The following DST variants were observed in gnomAD, a reference collection of about 807,000 sequenced individuals.
The protein encoded by DST is dystonin.
DST carries 253 observed loss-of-function variants against 875.2 expected under a neutral mutation model. That is an observed-to-expected ratio of 0.29 (90% CI 0.26 to 0.32). The LOEUF (loss-of-function observed/expected upper bound fraction) is 0.32, where lower values mean the gene tolerates loss of function less well. Ranked by LOEUF, DST falls within the 10% of genes least tolerant of loss-of-function variation. DST has a pLI of 1.00. For missense variants in DST, 8,287 were observed against 9,111.6 expected (o/e 0.91, Z 3.68); for synonymous variants, 3,124 against 3,197.1 (o/e 0.98, Z 0.77).
At chr6:56,921,407 A>G (rs937284925) in intron 2 of DST, among the ~76,000 whole-genome samples, 3 of 152,214 alleles carry the variant, frequency 2.0e-5, no homozygotes, top group Admixed American at 2.0e-4. Flanking sequence ...TTGCTAGTAA[A>G]TTTTATTTTT....
chr6:56,591,790 T>G (rs895227752), intron 49 of DST, among the ~76,000 whole-genome samples: 2 of 151,900 alleles, frequency 1.3e-5, no homozygotes, highest in African/African-American at 4.8e-5. Flanking sequence ...CCAGCCAACA[T>G]GGCGAAACCC....
intron 2 of DST, among the ~76,000 whole-genome samples, chr6:56,922,783 C>A (rs1470247187): frequency 6.6e-6 from 1 of 152,102 alleles, no homozygotes; most frequent in Non-Finnish European, 1.5e-5. Flanking sequence ...GGAATTTCTA[C>A]TACCTTTTGT....
chr6:56,522,282 C>T (rs1278675607), intron 69 of DST, among the ~76,000 whole-genome samples: 1 of 152,128 alleles, frequency 6.6e-6, no homozygotes, highest in African/African-American at 2.4e-5. Flanking sequence ...AGTTAACTAA[C>T]TTACCAAAGA....
chr6:56,704,225 C>G (rs2099323450), intron 6 of DST, 55 bp downstream of exon 6: 3 of 876,380 alleles, frequency 3.4e-6, no homozygotes, highest in Non-Finnish European at 5.3e-6. Flanking sequence ...CATACTGGTC[C>G]TATGCAGAAA....
intron 4 of DST, among the ~76,000 whole-genome samples, chr6:56,787,628 TAC>T (rs2099707716): frequency 6.6e-6 from 1 of 152,150 alleles, no homozygotes; most frequent in South Asian, 2.1e-4. Flanking sequence ...TATCAAAACT[TAC>T]AGAGAAACAC....
chr6:56,566,109 CA>C (rs1357487889), intron 55 of DST, among the ~76,000 whole-genome samples: 1 of 152,186 alleles, frequency 6.6e-6, no homozygotes, highest in East Asian at 1.9e-4. Context: ...AATTTCAAGC[CA>C]GTGGATCCTA....
intron 4 of DST, among the ~76,000 whole-genome samples, chr6:56,799,356 CTT>C (rs59690012): frequency 9.1e-5 from 13 of 143,462 alleles, no homozygotes; most frequent in Non-Finnish European, 9.2e-5. Flanking sequence ...AACTATCTCT[CTT>C]TTTTTTTTTT....
intron 3 of DST, among the ~76,000 whole-genome samples, chr6:56,897,805 G>A (rs765366672): frequency 7.9e-5 from 12 of 152,124 alleles, no homozygotes; most frequent in Admixed American, 2.0e-4. Context: ...CTGAGAGCAC[G>A]AGCTAAGAGA....
intron 5 of DST, among the ~76,000 whole-genome samples, chr6:56,720,458 T>A (rs923649913): frequency 6.6e-6 from 1 of 151,704 alleles, no homozygotes; most frequent in Non-Finnish European, 1.5e-5. Context: ...CAGATAAACA[T>A]GTGAACAAAG....
chr6:56,856,338 G>A (rs1767848404), intron 3 of DST, among the ~76,000 whole-genome samples: 1 of 152,150 alleles, frequency 6.6e-6, no homozygotes, highest in Non-Finnish European at 1.5e-5. Context: ...TACAGGCAAC[G>A]GAGAAAAGTG....
At chr6:56,836,270 T>C (rs1267059234) in intron 4 of DST, among the ~76,000 whole-genome samples, 1 of 152,194 alleles carries the variant, frequency 6.6e-6, no homozygotes, top group Non-Finnish European at 1.5e-5. Context: ...AGGCCAAATA[T>C]ACATTTGATG....
chr6:56,675,789 T>C (rs2099125930), intron 9 of DST, among the ~76,000 whole-genome samples: 1 of 151,852 alleles, frequency 6.6e-6, no homozygotes, highest in South Asian at 2.1e-4. Flanking sequence ...GAGGCGGAGG[T>C]TGCAGTGAGC....
intron 22 of DST, among the ~76,000 whole-genome samples, chr6:56,638,081 T>G (rs1016963330): frequency 6.6e-6 from 1 of 151,570 alleles, no homozygotes; most frequent in Non-Finnish European, 1.5e-5. Context: ...GACTAAGGTT[T>G]CATTTTACTT....
chr6:56,788,530 TA>T (rs2153002341), intron 4 of DST, among the ~76,000 whole-genome samples: 1 of 152,300 alleles, frequency 6.6e-6, no homozygotes, highest in Admixed American at 6.5e-5. Context: ...CAAAAGCTTA[TA>T]AATACCAAAT....
At chr6:56,683,168 C>A (rs768733581) in intron 9 of DST, among the ~76,000 whole-genome samples, 1 of 152,200 alleles carries the variant, frequency 6.6e-6, no homozygotes, top group African/African-American at 2.4e-5. Context: ...CCCATTTTCT[C>A]TCTTCCCACT....
At chr6:56,755,341 A>G (rs891611365) in intron 4 of DST, among the ~76,000 whole-genome samples, 3 of 152,206 alleles carry the variant, frequency 2.0e-5, no homozygotes, top group Non-Finnish European at 4.4e-5. Context: ...TAAGAAGACA[A>G]TTGTAGGTAG....
intron 34 of DST, among the ~76,000 whole-genome samples, chr6:56,626,970 T>C (rs988632378): frequency 1.3e-5 from 2 of 152,244 alleles, no homozygotes; most frequent in African/African-American, 2.4e-5. Context: ...TACAGAGCTA[T>C]GTATTCTGGT....
At position 56,606,457 on chromosome 6, in the gene DST, C is replaced by A; in HGVS notation, c.8171G>T (p.Gly2724Val). The change falls in exon 40 of 104, where the codon GGA becomes GTA. Residue 2724 changes from glycine to valine, a missense_variant. By Grantham distance (109) the Gly-to-Val change is moderately radical. This residue lies in a region of DST where 3,138 missense variants were observed against 3,116.6 expected (regional missense o/e 1.01). Transcript: ENST00000680361. ...DKVNGQSLETGSERECTNILE... is the reference protein window; with the variant it reads ...DKVNGQSLETVSERECTNILE... Reference sequence around the variant, plus strand: ...GATATTTGTGCATTCCCTTTCTGATCCAGTTTCCAGTGACTGTCCATTCAC... The same window carrying A: ...GATATTTGTGCATTCCCTTTCTGATACAGTTTCCAGTGACTGTCCATTCAC... The A allele has an allele frequency of 6.2e-7, 1 of 1,613,306 alleles. No homozygotes were observed. The highest frequency in any genetic ancestry group is 1.1e-5 in the South Asian group (1 of 91,062).
chr6:56,459,622 A>G (rs2094219357), intron 103 of DST, among the ~76,000 whole-genome samples: 1 of 152,220 alleles, frequency 6.6e-6, no homozygotes, highest in Non-Finnish European at 1.5e-5. Flanking sequence ...GCAAACATAG[A>G]ACAAACAAGA....
Sources: gnomAD v4.1 joint callset for allele counts (sites outside exome capture counted in the v4.1 genomes callset) on GRCh38, gnomAD v4.1.1 for gene constraint, gnomAD v4.1.1 regional missense constraint, MANE v1.5 for transcripts, NCBI Gene and HGNC (gene_info 2026-07-23, HGNC 2026-07-21) for gene names.